RMDN2: variants seen among roughly 807,000 people sequenced by gnomAD.
The protein encoded by RMDN2 is regulator of microtubule dynamics protein 2.
RMDN2 carries 61 observed loss-of-function variants against 52.8 expected under a neutral mutation model. The ratio of observed to expected loss-of-function variants is 1.16; its 90% CI spans 0.94 to 1.43. The LOEUF is 1.43. RMDN2 is among the 40% of genes most tolerant of loss of function. RMDN2 has a pLI of 0.00. For missense variants in RMDN2, 592 were observed against 475.3 expected (o/e 1.25, Z -2.28); for synonymous variants, 180 against 153.1 (o/e 1.18, Z -1.30).
rs546158020 is a variant in RMDN2 at position 37,987,338 on chromosome 2, A to G, written c.792-2203A>G. 3.3e-5 allele frequency among the ~76,000 whole-genome samples: 5 copies of G among 152,334 alleles called. No individual in the cohort carries two copies. The South Asian group carries it at 6.2e-4, about 19-fold the overall frequency. ...AATAAAACTATGGTATATCCATTCA[A>G]TGAAAAATTACTCAGGGCTAAACAG... On this transcript the variant is annotated intron_variant, in intron 5 of 10. Coordinates refer to ENST00000354545, the MANE Select transcript of RMDN2 (RefSeq NM_001170791.3).
intron 2 of RMDN2, among the ~76,000 whole-genome samples, chr2:37,939,422 C>A (rs1667589195): frequency 6.6e-6 from 1 of 152,146 alleles, no homozygotes; most frequent in South Asian, 2.1e-4. Flanking sequence ...TGGTTCAGAG[C>A]TGAGTTCAAG....
At chr2:38,005,386 T>G (rs1271125305) in intron 10 of RMDN2, among the ~76,000 whole-genome samples, 3 of 152,200 alleles carry the variant, frequency 2.0e-5, no homozygotes, top group Admixed American at 1.3e-4. Context: ...TTTTTAATGA[T>G]TGCCATTCTA....
At position 37,997,533 on chromosome 2, in the gene RMDN2, T is replaced by G; in HGVS notation, c.1044+19T>G. ...CCTTAAGGTACATTTTGTGTATCCA[T>G]TATTTTAGTGTCAGACTGATTACCA... On this transcript the variant is annotated intron_variant, in intron 8 of 10. Coordinates refer to ENST00000354545, the MANE Select transcript of RMDN2 (RefSeq NM_001170791.3). 1 of 1,481,116 alleles carries G rather than the reference T, an allele frequency of 6.8e-7. No homozygotes were observed. The highest frequency in any genetic ancestry group is 9.4e-7 in the Non-Finnish European group (1 of 1,058,986). 91.7% of individuals were successfully genotyped at this position (1,481,116 alleles called of 1,614,324 possible).
chr2:37,944,636 A>G (rs1668074014), intron 2 of RMDN2, among the ~76,000 whole-genome samples: 2 of 152,218 alleles, frequency 1.3e-5, no homozygotes, highest in Non-Finnish European at 2.9e-5. Context: ...GAAGCTTTGC[A>G]GGAGAAGTTG....
chr2:37,952,986 A>T (rs1370199677), intron 2 of RMDN2: 1 of 151,998 alleles, frequency 6.6e-6, no homozygotes, highest in South Asian at 2.1e-4. Context: ...ATAAAAATGC[A>T]TGTAAGCAAT....
At chr2:38,061,976 TA>T (rs1682071027) in intron 10 of RMDN2, among the ~76,000 whole-genome samples, 1 of 152,236 alleles carries the variant, frequency 6.6e-6, no homozygotes, top group South Asian at 2.1e-4. Context: ...TTCACATCTC[TA>T]GGCCTGACCT....
intron 4 of RMDN2, among the ~76,000 whole-genome samples, chr2:37,978,239 A>G (rs1465112238): frequency 3.5e-5 from 5 of 142,308 alleles, no homozygotes; most frequent in East Asian, 2.2e-4. Context: ...AGAATCAGGC[A>G]GGGAGGTTGC....
chr2:37,936,326 C>T (rs904868325), intron 2 of RMDN2, among the ~76,000 whole-genome samples: 3 of 152,128 alleles, frequency 2.0e-5, no homozygotes, highest in Admixed American at 1.3e-4. Flanking sequence ...CAAGTCTTTG[C>T]TATTGTGAAT....
chr2:37,974,232 A>C lies in RMDN2; in HGVS notation c.627+18A>C, dbSNP rs1488954326. On this transcript the variant is annotated intron_variant, in intron 3 of 10. Coordinates refer to ENST00000354545, the MANE Select transcript of RMDN2 (RefSeq NM_001170791.3). Reference sequence around the variant, plus strand: ...AAGAAAAGGTAAGAGACATAACAATAGCACTTCGTATAGTTCCATTTTTTA... The same window carrying C: ...AAGAAAAGGTAAGAGACATAACAATCGCACTTCGTATAGTTCCATTTTTTA... The C allele has an allele frequency of 1.3e-6, 2 of 1,575,216 alleles. No individual in the cohort carries two copies. Among genetic ancestry groups the C allele is most frequent in the Non-Finnish European group, 1.7e-6 (2 of 1,154,214 alleles).
At chr2:37,998,897 A>G (rs1358816097) in intron 8 of RMDN2, among the ~76,000 whole-genome samples, 11 of 152,208 alleles carry the variant, frequency 7.2e-5, no homozygotes, top group Non-Finnish European at 1.5e-4. Context: ...CTAAGACTGT[A>G]TCACTCCCAT....
chr2:37,950,194 T>TGGTGAGAGAGATGGTCCAA, intron 2 of RMDN2: 1 of 336,226 alleles, frequency 3.0e-6, no homozygotes, highest in Non-Finnish European at 5.7e-6. Context: ...GGAAGGCAGC[T>TGGTGAGAGAGATGGTCCAA]GGTGAGAGAG....
At chr2:38,020,473 G>T (rs1179998108), downstream of RMDN2, among the ~76,000 whole-genome samples, 3 of 152,226 alleles carry the variant, frequency 2.0e-5, no homozygotes, top group African/African-American at 7.2e-5. Context: ...AGCTGGCCAA[G>T]GCCGGAGCCG....
At chr2:37,970,806 AG>A (rs1317495368) in intron 2 of RMDN2, among the ~76,000 whole-genome samples, 1 of 152,112 alleles carries the variant, frequency 6.6e-6, no homozygotes, top group Non-Finnish European at 1.5e-5. Flanking sequence ...CCTTTATAAA[AG>A]CTGTATATTA....
At chr2:37,971,132 C>A (rs1488540460) in intron 2 of RMDN2, among the ~76,000 whole-genome samples, 3 of 151,916 alleles carry the variant, frequency 2.0e-5, no homozygotes, top group East Asian at 3.9e-4. Flanking sequence ...ATTGCTTAAT[C>A]CAAGATCACA....
At chr2:37,931,963 C>A (rs993560899) in intron 2 of RMDN2, among the ~76,000 whole-genome samples, 7 of 152,180 alleles carry the variant, frequency 4.6e-5, no homozygotes. Context: ...AAGCTTTTTC[C>A]TGTTTAGCTC....
chr2:37,989,689 TG>T, intron 6 of RMDN2, 73 bp downstream of exon 6: 1 of 1,004,776 alleles, frequency 1.0e-6, no homozygotes, highest in Admixed American at 2.2e-5. Context: ...ATAATAAAAA[TG>T]TTTTAATGTA....
intron 10 of RMDN2, chr2:38,036,212 G>A (rs1370218393): frequency 2.0e-5 from 3 of 152,226 alleles, no homozygotes; most frequent in African/African-American, 4.8e-5. Flanking sequence ...ACTGTACCAG[G>A]AAACCAGAGG....
In RMDN2 at chr2:38,039,252, G is replaced by A. The variant is rs948116421; in HGVS notation, c.1714-27730G>A. On this transcript the variant is annotated intron_variant, in intron 10 of 10. Coordinates refer to the RMDN2 transcript ENST00000234195. The stretch of plus-strand genomic sequence containing the variant: ...AATGAGAAAACTATGGCTCAGAGAG[G>A]ATAAGGAACTTGCCTAATTTCACTC... The A allele has an allele frequency of 4.1e-4, 62 of 152,162 alleles. 1 individual carries two copies. Among genetic ancestry groups the A allele is most frequent in the African/African-American group, 1.4e-3 (60 of 41,514 alleles). 9.4% of individuals were successfully genotyped at this position (152,162 alleles called of 1,614,324 possible).
chr2:37,985,938 T>C (rs1311011778), intron 5 of RMDN2, among the ~76,000 whole-genome samples: 1 of 152,196 alleles, frequency 6.6e-6, no homozygotes, highest in Admixed American at 6.5e-5. Flanking sequence ...TATATCAATA[T>C]TGGTACAGTT....
Sources: gnomAD v4.1 joint callset for allele counts (sites outside exome capture counted in the v4.1 genomes callset) on GRCh38, gnomAD v4.1.1 for gene constraint, MANE v1.5 for transcripts, NCBI Gene and HGNC (gene_info 2026-07-23, HGNC 2026-07-21) for gene names.